The following SUCLG2 variants were observed in gnomAD, a reference collection of about 807,000 sequenced individuals.
SUCLG2 encodes the protein succinate-CoA ligase GDP-forming subunit beta.
SUCLG2 carries 42 observed loss-of-function variants against 47.9 expected under a neutral mutation model. The ratio of observed to expected loss-of-function variants is 0.88; its 90% CI spans 0.69 to 1.14. The LOEUF (loss-of-function observed/expected upper bound fraction) is 1.14, where lower values mean the gene tolerates loss of function less well. Among genes scored for constraint, SUCLG2 ranks in the 50% most tolerant of loss-of-function variants. The pLI, the probability that SUCLG2 is intolerant of heterozygous loss-of-function variation, is 0.00. For synonymous variants in SUCLG2, 195 were observed against 197.3 expected, an observed-to-expected ratio of 0.99 and a Z score of 0.10; for missense variants, 571 against 525.9, an observed-to-expected ratio of 1.09 and a Z score of -0.84.
chr3:67,507,520 T>A (rs112035006), intron 7 of SUCLG2, among the ~76,000 whole-genome samples: 4,656 of 149,622 alleles, frequency 0.031, 249 homozygotes, highest in African/African-American at 0.11. Flanking sequence ...CTTATTTGAT[T>A]GAAAAGATTG....
intron 1 of SUCLG2, among the ~76,000 whole-genome samples, chr3:67,625,906 C>G (rs979602520): frequency 6.6e-6 from 1 of 151,948 alleles, no homozygotes; most frequent in East Asian, 1.9e-4. Flanking sequence ...ATGGAGTGCC[C>G]CTGGTAGAGG....
chr3:67,509,658 C>T lies in SUCLG2; in HGVS notation c.661-755G>A, dbSNP rs376829805. Among the ~76,000 whole-genome samples the T allele has an allele frequency of 2.6e-5, 4 of 152,168 alleles. No homozygotes were observed. The East Asian group carries it at 7.7e-4, about 29-fold the overall frequency. On this transcript the variant is annotated intron_variant, in intron 6 of 10. Transcript: ENST00000307227. ...ATAAGAGCATGAATGAGCCATGCCC[C>T]TACCCTGGAAAGCTCCTGGCAATAA...
intron 10 of SUCLG2, among the ~76,000 whole-genome samples, chr3:67,384,498 T>C (rs1474948911): frequency 1.3e-5 from 2 of 152,222 alleles, no homozygotes; most frequent in African/African-American, 2.4e-5. Flanking sequence ...ACAGGGAATA[T>C]ACAGACACAA....
intron 2 of SUCLG2, among the ~76,000 whole-genome samples, chr3:67,552,851 C>T (rs1404814558): frequency 6.6e-6 from 1 of 152,028 alleles, no homozygotes; most frequent in Non-Finnish European, 1.5e-5. Flanking sequence ...CTGATTTGGC[C>T]CCAAATCATT....
intron 9 of SUCLG2, among the ~76,000 whole-genome samples, chr3:67,432,936 T>C (rs1404724095): frequency 6.6e-6 from 1 of 152,226 alleles, no homozygotes; most frequent in African/African-American, 2.4e-5. Context: ...TACTCTTTTA[T>C]TGGATTGAAT....
chr3:67,635,227 C>A (rs543901234), intron 1 of SUCLG2, among the ~76,000 whole-genome samples: 1 of 152,310 alleles, frequency 6.6e-6, no homozygotes, highest in South Asian at 2.1e-4. Flanking sequence ...TGTGGCAGAA[C>A]CATCACCCTT....
intron 9 of SUCLG2, among the ~76,000 whole-genome samples, chr3:67,446,779 T>C (rs1703938911): frequency 6.6e-6 from 1 of 151,996 alleles, no homozygotes; most frequent in Admixed American, 6.6e-5. Flanking sequence ...TCAAAGAATG[T>C]TGGTCATTAA....
chr3:67,373,343 G>C (rs572790628), downstream of SUCLG2, among the ~76,000 whole-genome samples: 3 of 152,104 alleles, frequency 2.0e-5, no homozygotes, highest in Non-Finnish European at 4.4e-5. Context: ...TTAATTCTTG[G>C]AGGAGGGGAT....
At chr3:67,609,732 A>G (rs1700494750) in intron 1 of SUCLG2, 136 bp from the exon 2 acceptor site, 7 of 771,746 alleles carry the variant, frequency 9.1e-6, no homozygotes, top group Admixed American at 6.9e-5. Context: ...AAAGAAAAAA[A>G]AAACCCACTT....
intron 8 of SUCLG2, 62 bp downstream of exon 8, chr3:67,498,072 T>A (rs1016441050): frequency 1.3e-6 from 2 of 1,494,040 alleles, no homozygotes; most frequent in Non-Finnish European, 1.8e-6. Context: ...ATTTCAGAAA[T>A]CAAGGTTTCC....
chr3:67,528,216 A>T lies in SUCLG2; in HGVS notation c.333T>A (p.Asn111Lys). The T allele has an allele frequency of 6.2e-7, 1 of 1,613,732 alleles. No individual in the cohort carries two copies. The highest frequency in any genetic ancestry group is 1.3e-5 in the African/African-American group (1 of 75,038). ...KGGVHLTKDP[N>K]VVGQLAKQMI... is the part of the protein sequence containing the mutation. ...TCTGTTTAGCCAGCTGTCCCACAAC[A>T]TTAGGGCTAAGAGAAAGAGAAAACA... Residue 111 changes from asparagine to lysine, a missense_variant, in exon 4 of 11, where the codon AAT becomes AAA. Transcript: ENST00000307227.
At chr3:67,560,290 C>T (rs894482409) in intron 2 of SUCLG2, among the ~76,000 whole-genome samples, 1 of 152,162 alleles carries the variant, frequency 6.6e-6, no homozygotes, top group Non-Finnish European at 1.5e-5. Flanking sequence ...TTGGGAGACT[C>T]TGCTTCACAG....
intron 4 of SUCLG2, among the ~76,000 whole-genome samples, chr3:67,523,712 A>G (rs150761320): frequency 1.3e-5 from 2 of 152,330 alleles, no homozygotes; most frequent in African/African-American, 4.8e-5. Context: ...TGTTTTAAGA[A>G]ATTTGATTGG....
intron 9 of SUCLG2, among the ~76,000 whole-genome samples, chr3:67,491,665 A>AT (rs2107047594): frequency 6.6e-6 from 1 of 152,166 alleles, no homozygotes; most frequent in East Asian, 1.9e-4. Flanking sequence ...GCCATGTTCT[A>AT]TTTCTTGATC....
chr3:67,464,890 C>T (rs953990403), intron 9 of SUCLG2, among the ~76,000 whole-genome samples: 3 of 152,110 alleles, frequency 2.0e-5, no homozygotes, highest in Non-Finnish European at 4.4e-5. Flanking sequence ...CAGCATGGTG[C>T]TAAAACTCAA....
intron 4 of SUCLG2, among the ~76,000 whole-genome samples, chr3:67,525,602 C>A (rs1015973602): frequency 6.6e-6 from 1 of 152,104 alleles, no homozygotes; most frequent in Non-Finnish European, 1.5e-5. Flanking sequence ...ATAACCTTGA[C>A]CTAAGTCTCA....
chr3:67,429,789 G>C (rs985571138), intron 9 of SUCLG2, among the ~76,000 whole-genome samples: 26 of 152,148 alleles, frequency 1.7e-4, no homozygotes, highest in African/African-American at 6.0e-4. Flanking sequence ...AAAAAAGAAG[G>C]GGTTGCAATC....
chr3:67,468,028 G>A (rs925521366), intron 9 of SUCLG2, among the ~76,000 whole-genome samples: 2 of 152,190 alleles, frequency 1.3e-5, no homozygotes, highest in East Asian at 3.8e-4. Flanking sequence ...TGCTACAAGA[G>A]GGGCAAAAGT....
At chr3:67,509,010 T>A in intron 6 of SUCLG2, 107 bp from the exon 7 acceptor site, 9 of 773,958 alleles carry the variant, frequency 1.2e-5, no homozygotes, top group Non-Finnish European at 1.4e-5. Flanking sequence ...TTATTTTCAG[T>A]TAGGTTTTCT....
Sources: allele counts gnomAD v4.1 joint callset (sites outside exome capture counted in the v4.1 genomes callset), GRCh38; gene constraint gnomAD v4.1.1; transcripts MANE v1.5; gene names NCBI Gene and HGNC (gene_info 2026-07-23, HGNC 2026-07-21).